The following THSD4 variants were observed in gnomAD, a reference collection of about 807,000 sequenced individuals.
THSD4 encodes thrombospondin type 1 domain containing 4.
Under a neutral mutation model 119.0 loss-of-function variants are expected in THSD4, and 69 were observed. The ratio of observed to expected loss-of-function variants is 0.58; its 90% CI spans 0.48 to 0.71. THSD4 has a LOEUF of 0.71. Among genes scored for constraint, THSD4 ranks in the 30% least tolerant of loss-of-function variants. The pLI, the probability that THSD4 is intolerant of heterozygous loss-of-function variation, is 0.00. For synonymous variants in THSD4, 524 were observed against 540.4 expected, an observed-to-expected ratio of 0.97 and a Z score of 0.42; for missense variants, 1,393 against 1,391.1, an observed-to-expected ratio of 1.00 and a Z score of -0.02.
chr15:71,154,765 C>G (rs1335309746), intron 2 of THSD4, 98 bp from the exon 3 acceptor site: 2 of 1,246,088 alleles, frequency 1.6e-6, no homozygotes, highest in African/African-American at 2.9e-5. Context: ...TGGGCTGTTC[C>G]CCCCCCATCC....
At chr15:71,442,109 C>A (rs2047104300) in intron 7 of THSD4, among the ~76,000 whole-genome samples, 1 of 152,082 alleles carries the variant, frequency 6.6e-6, no homozygotes, top group South Asian at 2.1e-4. Context: ...CAGGCATGCA[C>A]CACCATACCC....
intron 6 of THSD4, among the ~76,000 whole-genome samples, chr15:71,282,507 C>T (rs9806176): frequency 0.68 from 103,922 of 152,028 alleles, 35,906 homozygotes; most frequent in East Asian, 0.85. Flanking sequence ...TAGGGGTAGC[C>T]ATTGCTTGTC....
chr15:71,661,397 A>ATTTTT, intron 8 of THSD4, among the ~76,000 whole-genome samples: 1 of 112,372 alleles, frequency 8.9e-6, no homozygotes, highest in African/African-American at 3.1e-5. Flanking sequence ...TTATTTATTT[A>ATTTTT]TTTATTTTTT....
chr15:71,653,156 C>T (rs7181094), intron 7 of THSD4, among the ~76,000 whole-genome samples: 1,860 of 152,310 alleles, frequency 0.012, 37 homozygotes, highest in African/African-American at 0.043. Context: ...GTACTGTGCT[C>T]TTTGCAATAC....
chr15:71,649,185 T>C (rs1301385381), intron 7 of THSD4, among the ~76,000 whole-genome samples: 1 of 152,130 alleles, frequency 6.6e-6, no homozygotes, highest in Non-Finnish European at 1.5e-5. Flanking sequence ...GTTTCTCCTC[T>C]CCCTTTCCTC....
intron 7 of THSD4, among the ~76,000 whole-genome samples, chr15:71,428,108 G>T (rs1277851359): frequency 6.6e-6 from 1 of 152,152 alleles, no homozygotes; most frequent in Non-Finnish European, 1.5e-5. Flanking sequence ...AAAGTCCTCT[G>T]GGCCAGATAG....
chr15:71,552,897 GT>G (rs1370085277), intron 7 of THSD4, among the ~76,000 whole-genome samples: 1 of 152,172 alleles, frequency 6.6e-6, no homozygotes, highest in Non-Finnish European at 1.5e-5. Flanking sequence ...GCCTCCCAAA[GT>G]GCTGGAATTA....
At chr15:71,507,561 A>G (rs945016262) in intron 7 of THSD4, among the ~76,000 whole-genome samples, 1 of 152,160 alleles carries the variant, frequency 6.6e-6, no homozygotes, top group African/African-American at 2.4e-5. Context: ...CATTGTCCCA[A>G]AGTTTGAAAG....
chr15:71,402,289 C>G (rs371147986), intron 6 of THSD4, among the ~76,000 whole-genome samples: 14 of 151,886 alleles, frequency 9.2e-5, no homozygotes, highest in Admixed American at 5.9e-4. Context: ...TAGACCTCAC[C>G]ATGGATACAC....
At chr15:71,131,995 C>T (rs2040508197) in intron 1 of THSD4, among the ~76,000 whole-genome samples, 1 of 152,186 alleles carries the variant, frequency 6.6e-6, no homozygotes, top group South Asian at 2.1e-4. Flanking sequence ...GAGCAAAAAT[C>T]CTTTTACTAT....
intron 7 of THSD4, among the ~76,000 whole-genome samples, chr15:71,443,267 A>G (rs988843138): frequency 5.3e-5 from 8 of 152,054 alleles, no homozygotes; most frequent in Non-Finnish European, 5.9e-5. Context: ...TTTTAGGGAG[A>G]TTGGCCTAGG....
chr15:71,719,517 A>G (rs1253705434), intron 8 of THSD4, among the ~76,000 whole-genome samples: 1 of 152,232 alleles, frequency 6.6e-6, no homozygotes, highest in East Asian at 1.9e-4. Context: ...TCAGAAGGAA[A>G]GAAGGACATT....
At chr15:71,243,212 C>T (rs563053237) in intron 5 of THSD4, 116 bp downstream of exon 5, 11 of 1,004,466 alleles carry the variant, frequency 1.1e-5, no homozygotes, top group Non-Finnish European at 1.4e-5. Context: ...TGTTAACACA[C>T]CTTTTAATCT....
intron 7 of THSD4, among the ~76,000 whole-genome samples, chr15:71,624,998 TTTTGTTTG>T (rs57292672): frequency 2.1e-4 from 31 of 151,056 alleles, no homozygotes; most frequent in South Asian, 4.2e-4. Context: ...TTTGTTGTTG[TTTTGTTTG>T]TTTGTTTGTT....
chr15:71,685,530 T>C (rs1337910588), intron 8 of THSD4, among the ~76,000 whole-genome samples: 1 of 152,182 alleles, frequency 6.6e-6, no homozygotes, highest in East Asian at 1.9e-4. Flanking sequence ...CATTTTACAA[T>C]TTGCAAATAC....
At position 71,349,962 on chromosome 15, in the gene THSD4, A is replaced by G. The variant is rs752035599; in HGVS notation, c.1016-61725A>G. Reference sequence around the variant, plus strand: ...AGAAGCAAAGGTTTCCAGTCCATTAATTTTAACGTAATGCAAATCGGTTTA... The same window carrying G: ...AGAAGCAAAGGTTTCCAGTCCATTAGTTTTAACGTAATGCAAATCGGTTTA... On this transcript the variant is annotated intron_variant, in intron 6 of 17. Coordinates refer to ENST00000261862, the MANE Select transcript of THSD4 (RefSeq NM_024817.3). Among the ~76,000 whole-genome samples the G allele has an allele frequency of 1.3e-3, 198 of 152,240 alleles. 1 individual carries two copies. Among genetic ancestry groups the G allele is most frequent in the Non-Finnish European group, 2.8e-4 (19 of 68,016 alleles).
At chr15:71,670,835 T>C (rs2141013204) in intron 8 of THSD4, among the ~76,000 whole-genome samples, 1 of 152,298 alleles carries the variant, frequency 6.6e-6, no homozygotes, top group African/African-American at 2.4e-5. Flanking sequence ...TCATCCTTTT[T>C]TTATGGCTGC....
Position 71,165,139 on chromosome 15 carries a change from A to G in THSD4, c.99+10207A>G, listed in dbSNP as rs1300725017. On this transcript the variant is annotated intron_variant, in intron 3 of 17. Coordinates refer to ENST00000261862, the MANE Select transcript of THSD4 (RefSeq NM_024817.3). Reference sequence around the variant, plus strand: ...AGGCCGAAGGAGGCCTCTTGGGTGCATTGGGATCCTTGAACTTCTTTTTTG... The same window carrying G: ...AGGCCGAAGGAGGCCTCTTGGGTGCGTTGGGATCCTTGAACTTCTTTTTTG... 8 of 1,606,180 alleles carry G rather than the reference A, an allele frequency of 5.0e-6. No individual in the cohort carries two copies. The Admixed American group carries it at 1.2e-4, about 23-fold the overall frequency.
At chr15:71,715,888 A>G (rs992337213) in intron 8 of THSD4, among the ~76,000 whole-genome samples, 2 of 152,082 alleles carry the variant, frequency 1.3e-5, no homozygotes, top group South Asian at 4.1e-4. Context: ...CAACCACCAA[A>G]CATGCCAACC....
Sources: allele counts gnomAD v4.1 joint callset (sites outside exome capture counted in the v4.1 genomes callset), GRCh38; gene constraint gnomAD v4.1.1; transcripts MANE v1.5; gene names NCBI Gene and HGNC (gene_info 2026-07-23, HGNC 2026-07-21).